GRID2: variants seen among roughly 807,000 people sequenced by gnomAD.
GRID2 encodes the protein glutamate receptor ionotropic, delta-2.
A neutral mutation model predicts 114.8 loss-of-function variants in GRID2; 33 were observed. The observed-to-expected ratio is 0.29, with a 90% CI of 0.22 to 0.38. The LOEUF is 0.38. GRID2 is among the 10% of genes least tolerant of loss of function. GRID2 has a pLI of 1.00. For synonymous variants in GRID2, 505 were observed against 449.9 expected, an observed-to-expected ratio of 1.12 and a Z score of -1.55; for missense variants, 1,184 against 1,257.7, an observed-to-expected ratio of 0.94 and a Z score of 0.89.
In GRID2 at chr4:92,717,096, T is replaced by C. The variant is rs560124505; in HGVS notation, c.244+126810T>C. Among the ~76,000 whole-genome samples the C allele has an allele frequency of 5.3e-5, 8 of 152,214 alleles. No homozygotes were observed. In the South Asian group the frequency reaches 1.7e-3, roughly 32 times the overall value. The stretch of plus-strand genomic sequence containing the variant: ...AGTGCAATGACCACTTAATACGCAG[T>C]TGTTGAATGCATGGCAATGTGAATG... On this transcript the variant is annotated intron_variant, in intron 2 of 15. Coordinates refer to ENST00000282020, the MANE Select transcript of GRID2 (RefSeq NM_001510.4).
intron 14 of GRID2, among the ~76,000 whole-genome samples, chr4:93,670,435 A>G (rs1359828108): frequency 1.3e-5 from 2 of 152,186 alleles, no homozygotes. Flanking sequence ...CCAAATAGAA[A>G]TCATCACCAA....
chr4:92,997,964 A>T (rs1379232226), intron 2 of GRID2, among the ~76,000 whole-genome samples: 1 of 152,154 alleles, frequency 6.6e-6, no homozygotes, highest in Non-Finnish European at 1.5e-5. Flanking sequence ...CATATCAGAC[A>T]TATCTTATGG....
At chr4:93,672,270 AG>A (rs947918276) in intron 14 of GRID2, among the ~76,000 whole-genome samples, 7 of 152,160 alleles carry the variant, frequency 4.6e-5, no homozygotes, top group Non-Finnish European at 7.3e-5. Context: ...ACATTCTCCA[AG>A]GGGGAACCCC....
chr4:92,929,542 CTGACA>C (rs1750070818), intron 2 of GRID2, among the ~76,000 whole-genome samples: 1 of 151,310 alleles, frequency 6.6e-6, no homozygotes, highest in Admixed American at 6.6e-5. Context: ...AAATAACAGA[CTGACA>C]TAAGAGTTGG....
intron 1 of GRID2, among the ~76,000 whole-genome samples, chr4:92,397,830 C>T (rs772537665): frequency 9.9e-5 from 15 of 152,026 alleles, no homozygotes; most frequent in East Asian, 1.9e-4. Context: ...CATATGGAAA[C>T]GATTTTATTT....
intron 2 of GRID2, among the ~76,000 whole-genome samples, chr4:92,680,174 T>C (rs1033545249): frequency 2.0e-5 from 3 of 152,070 alleles, no homozygotes; most frequent in African/African-American, 7.2e-5. Flanking sequence ...CAGAGGGCAT[T>C]TTAGGGAAAT....
chr4:92,657,640 A>ACAAAAAG (rs774758067), intron 2 of GRID2, among the ~76,000 whole-genome samples: 7 of 151,086 alleles, frequency 4.6e-5, no homozygotes, highest in African/African-American at 9.7e-5. Flanking sequence ...AAGAGGAAAA[A>ACAAAAAG]CAAAAAGCAA....
intron 2 of GRID2, among the ~76,000 whole-genome samples, chr4:92,868,288 T>C (rs1745047592): frequency 6.6e-6 from 1 of 152,058 alleles, no homozygotes; most frequent in African/African-American, 2.4e-5. Context: ...CACAGAATTT[T>C]CATGGGCAGA....
chr4:93,554,499 G>T (rs912227546), intron 13 of GRID2, among the ~76,000 whole-genome samples: 3 of 152,030 alleles, frequency 2.0e-5, no homozygotes, highest in Admixed American at 6.6e-5. Flanking sequence ...GGGTACTTGT[G>T]ATATTCTGAC....
At chr4:92,447,076 A>G (rs1733508744) in intron 1 of GRID2, among the ~76,000 whole-genome samples, 1 of 152,216 alleles carries the variant, frequency 6.6e-6, no homozygotes, top group African/African-American at 2.4e-5. Context: ...AAGTACTTTT[A>G]TAACTGTGAT....
intron 2 of GRID2, among the ~76,000 whole-genome samples, chr4:92,927,604 A>T (rs764347269): frequency 6.6e-6 from 1 of 151,794 alleles, no homozygotes; most frequent in Non-Finnish European, 1.5e-5. Context: ...ACCATGCCTG[A>T]CCTTTGCTCT....
intron 2 of GRID2, among the ~76,000 whole-genome samples, chr4:93,078,603 T>A (rs1486408226): frequency 6.7e-6 from 1 of 149,394 alleles, no homozygotes; most frequent in Admixed American, 6.7e-5. Context: ...TCGGGAGCTA[T>A]GAAATCTATC....
At chr4:92,776,118 A>G (rs1454806939) in intron 2 of GRID2, among the ~76,000 whole-genome samples, 1 of 152,180 alleles carries the variant, frequency 6.6e-6, no homozygotes, top group African/African-American at 2.4e-5. Flanking sequence ...AATAACTGGT[A>G]TATGTATGAG....
At chr4:93,347,898 C>A (rs538401777) in intron 8 of GRID2, among the ~76,000 whole-genome samples, 215 of 152,148 alleles carry the variant, frequency 1.4e-3, no homozygotes, top group Middle Eastern at 0.01. Context: ...TGAACAATAT[C>A]AAAAATTTAT....
At chr4:93,304,337 T>C (rs929407862) in intron 8 of GRID2, among the ~76,000 whole-genome samples, 2 of 150,728 alleles carry the variant, frequency 1.3e-5, no homozygotes, top group African/African-American at 2.4e-5. Flanking sequence ...ATCAAGGAAA[T>C]TGTAGAAAAA....
chr4:92,912,093 A>G (rs1157927940), intron 2 of GRID2, among the ~76,000 whole-genome samples: 2 of 151,870 alleles, frequency 1.3e-5, no homozygotes, highest in African/African-American at 2.4e-5. Context: ...ACTTTACTAT[A>G]TTATTGCTGA....
intron 2 of GRID2, among the ~76,000 whole-genome samples, chr4:92,805,223 GA>G (rs1740353488): frequency 6.6e-6 from 1 of 151,828 alleles, no homozygotes; most frequent in African/African-American, 2.4e-5. Flanking sequence ...ATTTCTGTGT[GA>G]TTTTTTTGAT....
chr4:92,710,761 C>T (rs1298648465), intron 2 of GRID2, among the ~76,000 whole-genome samples: 1 of 152,108 alleles, frequency 6.6e-6, no homozygotes, highest in Non-Finnish European at 1.5e-5. Flanking sequence ...AGAAAGCATA[C>T]AGACTGTAAG....
chr4:92,645,643 C>A (rs1731575231), intron 2 of GRID2, among the ~76,000 whole-genome samples: 1 of 151,644 alleles, frequency 6.6e-6, no homozygotes, highest in Admixed American at 6.6e-5. Flanking sequence ...CCTATCCAGA[C>A]AAGCCCCCAT....
Sources: allele counts gnomAD v4.1 joint callset (sites outside exome capture counted in the v4.1 genomes callset), GRCh38; gene constraint gnomAD v4.1.1; transcripts MANE v1.5; gene names NCBI Gene and HGNC (gene_info 2026-07-23, HGNC 2026-07-21).